TFAP2D: variants seen among roughly 807,000 people sequenced by gnomAD.
TFAP2D encodes the protein transcription factor AP-2-delta.
In TFAP2D, 9 loss-of-function variants were observed where a neutral mutation model predicts 43.6. The ratio of observed to expected loss-of-function variants is 0.21; its 90% CI spans 0.12 to 0.36. The LOEUF (loss-of-function observed/expected upper bound fraction) is 0.36. Among genes scored for constraint, TFAP2D ranks in the 10% least tolerant of loss-of-function variants. The pLI is 1.00. For synonymous variants in TFAP2D, 256 were observed against 224.9 expected, an observed-to-expected ratio of 1.14 and a Z score of -1.24; for missense variants, 513 against 561.4, an observed-to-expected ratio of 0.91 and a Z score of 0.87.
intron 1 of TFAP2D, among the ~76,000 whole-genome samples, chr6:50,714,734 C>T (rs183126739): frequency 6.6e-6 from 1 of 152,252 alleles, no homozygotes; most frequent in African/African-American, 2.4e-5. Flanking sequence ...TCCTCTGCTA[C>T]CCGCGGCCCC....
rs1769179272 is a variant in TFAP2D at position 50,750,002 on chromosome 6, A to G, written c.1026-1209A>G. Among the ~76,000 whole-genome samples, 3 of 151,900 alleles carry G rather than the reference A, an allele frequency of 2.0e-5. No homozygotes were observed. In the South Asian group the frequency reaches 6.2e-4, roughly 31 times the overall value. ...ACACAATATTTGAACACTGGCATTA[A>G]ACCAGACCCTCATTGTTCATTTAAA... is the stretch of plus-strand genomic sequence containing the variant. On this transcript the variant is annotated intron_variant, in intron 6 of 7. Coordinates refer to ENST00000008391, the MANE Select transcript of TFAP2D (RefSeq NM_172238.4).
At chr6:50,770,257 G>T (rs1017696096) in intron 7 of TFAP2D, among the ~76,000 whole-genome samples, 6 of 152,158 alleles carry the variant, frequency 3.9e-5, no homozygotes, top group African/African-American at 1.4e-4. Flanking sequence ...TGTAGAAATA[G>T]AGCTTAAATT....
chr6:50,740,883 A>G (rs1170550403), intron 5 of TFAP2D, among the ~76,000 whole-genome samples: 1 of 152,198 alleles, frequency 6.6e-6, no homozygotes. Context: ...ACATTTTGCC[A>G]TTAACTTTCT....
At chr6:50,722,222 TTTGCCCGCAG>T (rs1768737436) in intron 3 of TFAP2D, among the ~76,000 whole-genome samples, 1 of 152,180 alleles carries the variant, frequency 6.6e-6, no homozygotes, top group African/African-American at 2.4e-5. Flanking sequence ...TGTACGCGAT[TTTGCCCGCAG>T]CTCCGGCTCT....
chr6:50,753,280 G>A (rs1000833284), intron 7 of TFAP2D, among the ~76,000 whole-genome samples: 3 of 151,914 alleles, frequency 2.0e-5, no homozygotes, highest in Non-Finnish European at 2.9e-5. Context: ...CAGATGCTGA[G>A]GCCTTCATCA....
At chr6:50,747,596 A>G (rs949956336) in intron 6 of TFAP2D, among the ~76,000 whole-genome samples, 16 of 152,082 alleles carry the variant, frequency 1.1e-4, no homozygotes, top group African/African-American at 3.9e-4. Flanking sequence ...ATTCACCACT[A>G]CCATCATCAA....
intron 7 of TFAP2D, among the ~76,000 whole-genome samples, chr6:50,753,063 C>T (rs542611333): frequency 2.2e-4 from 34 of 152,012 alleles, no homozygotes; most frequent in Middle Eastern, 3.4e-3. Flanking sequence ...ATTACATCTA[C>T]ACAAATATTT....
At chr6:50,746,047 G>A (rs909385966) in intron 6 of TFAP2D, among the ~76,000 whole-genome samples, 12 of 152,014 alleles carry the variant, frequency 7.9e-5, no homozygotes, top group Admixed American at 1.3e-4. Flanking sequence ...AGTTTTAGAG[G>A]AAAATCCTTC....
At chr6:50,745,955 C>A (rs151033223) in intron 6 of TFAP2D, among the ~76,000 whole-genome samples, 2 of 152,116 alleles carry the variant, frequency 1.3e-5, no homozygotes, top group East Asian at 1.9e-4. Flanking sequence ...CTTGAAAGTT[C>A]GTCGATAATT....
chr6:50,769,884 T>C (rs1224617866), intron 7 of TFAP2D, among the ~76,000 whole-genome samples: 1 of 152,172 alleles, frequency 6.6e-6, no homozygotes, highest in East Asian at 1.9e-4. Context: ...GTGATACAGA[T>C]AAAAAACTTA....
intron 2 of TFAP2D, chr6:50,718,304 G>C (rs924216241): frequency 1.3e-5 from 2 of 152,048 alleles, no homozygotes; most frequent in African/African-American, 4.8e-5. Flanking sequence ...ATTATGCACC[G>C]ACTCTCTCCG....
chr6:50,739,532 A>G (rs1450711641), intron 5 of TFAP2D, among the ~76,000 whole-genome samples: 2 of 152,080 alleles, frequency 1.3e-5, no homozygotes, highest in Non-Finnish European at 2.9e-5. Flanking sequence ...TTTTAAAGCA[A>G]ATTTCTAGGT....
At chr6:50,722,642 A>C (rs1055929183) in intron 3 of TFAP2D, among the ~76,000 whole-genome samples, 6 of 152,120 alleles carry the variant, frequency 3.9e-5, no homozygotes, top group Non-Finnish European at 7.3e-5. Flanking sequence ...GGTGATGATG[A>C]AGCTCATAAT....
At chr6:50,724,587 C>G (rs1028696278) in intron 3 of TFAP2D, among the ~76,000 whole-genome samples, 6 of 152,078 alleles carry the variant, frequency 3.9e-5, no homozygotes, top group Non-Finnish European at 8.8e-5. Context: ...ACGGGGGAGG[C>G]GCGGAGGCCG....
chr6:50,737,690 T>C (rs1258263229), intron 5 of TFAP2D, among the ~76,000 whole-genome samples: 1 of 152,198 alleles, frequency 6.6e-6, no homozygotes, highest in Admixed American at 6.5e-5. Flanking sequence ...TTGCAATCAA[T>C]TTTTTGAGTT....
At chr6:50,753,960 A>G (rs1055600761) in intron 7 of TFAP2D, among the ~76,000 whole-genome samples, 2 of 152,090 alleles carry the variant, frequency 1.3e-5, no homozygotes, top group East Asian at 1.9e-4. Context: ...ATTTCCTACT[A>G]TATCTTTTTC....
At position 50,772,172 on chromosome 6, in the gene TFAP2D, C is replaced by A. The variant is rs576731111; in HGVS notation, c.1140-473C>A. Among the ~76,000 whole-genome samples the A allele has an allele frequency of 1.8e-4, 27 of 151,816 alleles. No homozygotes were observed. The South Asian group carries it at 3.8e-3, about 21-fold the overall frequency. On this transcript the variant is annotated intron_variant, in intron 7 of 7. Coordinates refer to ENST00000008391, the MANE Select transcript of TFAP2D (RefSeq NM_172238.4). ...AAACCAAACACTGCATGTTCTCACTCATAGGTGGGAATTGAACAATGAGAA... is the reference window on the plus strand; with the variant it reads ...AAACCAAACACTGCATGTTCTCACTAATAGGTGGGAATTGAACAATGAGAA...
At chr6:50,723,699 G>T (rs1217729057) in intron 3 of TFAP2D, among the ~76,000 whole-genome samples, 1 of 149,878 alleles carries the variant, frequency 6.7e-6, no homozygotes. Context: ...TGTGGGCGTT[G>T]GGGGTTGTAG....
chr6:50,770,135 C>A (rs1481181017), intron 7 of TFAP2D, among the ~76,000 whole-genome samples: 1 of 152,156 alleles, frequency 6.6e-6, no homozygotes, highest in Non-Finnish European at 1.5e-5. Context: ...TTACCCAGTT[C>A]TTTTTGTGGG....
Sources: gnomAD v4.1 joint callset for allele counts (sites outside exome capture counted in the v4.1 genomes callset) on GRCh38, gnomAD v4.1.1 for gene constraint, MANE v1.5 for transcripts, NCBI Gene and HGNC (gene_info 2026-07-23, HGNC 2026-07-21) for gene names.